Variants in PRR5L observed in about 807,000 individuals in gnomAD.
PRR5L encodes proline rich 5 like, also known as proline-rich protein 5-like.
In PRR5L, 21 loss-of-function variants were observed where a neutral mutation model predicts 36.4. The ratio of observed to expected loss-of-function variants is 0.58; its 90% confidence interval spans 0.41 to 0.83. PRR5L has a LOEUF of 0.83. Ranked by LOEUF, PRR5L falls within the 40% of genes least tolerant of loss-of-function variation. The probability of loss-of-function intolerance (pLI) is 0.00; values close to 1 mark genes in which losing one functional copy is unlikely to be tolerated. For synonymous variants in PRR5L, 188 were observed against 197.0 expected (o/e 0.95, Z 0.38); for missense variants, 381 against 473.3 (o/e 0.80, Z 1.81).
intron 1 of PRR5L, among the ~76,000 whole-genome samples, chr11:36,356,927 A>C (rs1222005236): frequency 6.6e-6 from 1 of 152,192 alleles, no homozygotes; most frequent in Non-Finnish European, 1.5e-5. Flanking sequence ...GTCAAAATCT[A>C]GAAGTGATTA....
chr11:36,376,775 C>T (rs1230937392), intron 1 of PRR5L: 7 of 944,168 alleles, frequency 7.4e-6, no homozygotes, highest in Non-Finnish European at 8.8e-6. Flanking sequence ...CAGGATTGAG[C>T]GAAAATTACC....
intron 1 of PRR5L, among the ~76,000 whole-genome samples, chr11:36,336,946 G>T (rs943811718): frequency 2.0e-5 from 3 of 152,046 alleles, no homozygotes; most frequent in Non-Finnish European, 4.4e-5. Flanking sequence ...AGCACTGTGT[G>T]GGGGCACATT....
chr11:36,378,729 CTT>C (rs1358445126), intron 1 of PRR5L, among the ~76,000 whole-genome samples: 1 of 152,156 alleles, frequency 6.6e-6, no homozygotes, highest in African/African-American at 2.4e-5. Context: ...GCAAATGCCT[CTT>C]GAGGTCTTAA....
intron 1 of PRR5L, among the ~76,000 whole-genome samples, chr11:36,368,091 T>A (rs1222858997): frequency 6.6e-6 from 1 of 151,960 alleles, no homozygotes; most frequent in African/African-American, 2.4e-5. Flanking sequence ...TGCCGTAGAT[T>A]GGAGAACAAG....
intron 1 of PRR5L, among the ~76,000 whole-genome samples, chr11:36,306,700 G>A (rs1856436126): frequency 6.6e-6 from 1 of 152,108 alleles, no homozygotes; most frequent in Non-Finnish European, 1.5e-5. Flanking sequence ...CCTCCAAGAA[G>A]CAGTGCATGA....
chr11:36,398,376 C>T (rs1857714318), intron 1 of PRR5L: 1 of 152,390 alleles, frequency 6.6e-6, no homozygotes, highest in Non-Finnish European at 1.5e-5. Context: ...CCTGCCGGGC[C>T]AGCGCTGTAG....
chr11:36,376,345 AG>A, intron 1 of PRR5L: 11 of 900,116 alleles, frequency 1.2e-5, no homozygotes, highest in Non-Finnish European at 1.5e-5. Context: ...AGGAGGAGGA[AG>A]AGGAGGAGGA....
rs1330855715 is a variant in PRR5L at position 36,374,495 on chromosome 11, G to A, written c.-125-26502G>A. Among the ~76,000 whole-genome samples the A allele has an allele frequency of 3.3e-5, 5 of 151,782 alleles. No homozygotes were observed. In the South Asian group the frequency reaches 6.3e-4, roughly 19 times the overall value. On this transcript the variant is annotated intron_variant, in intron 1 of 8. Transcript: ENST00000530639. Reference sequence around the variant, plus strand: ...ATGAGGGAGACTGGGAGGGAGGGGCGAATTACAACTTTAAATAGGTGGAAT... The same window carrying A: ...ATGAGGGAGACTGGGAGGGAGGGGCAAATTACAACTTTAAATAGGTGGAAT...
intron 1 of PRR5L, among the ~76,000 whole-genome samples, chr11:36,333,326 T>G (rs928626943): frequency 4.6e-5 from 7 of 152,152 alleles, no homozygotes; most frequent in African/African-American, 1.4e-4. Flanking sequence ...AACTGGCTGT[T>G]TCCCATATTG....
At chr11:36,454,237 C>T (rs949116800) in intron 8 of PRR5L, 2 of 152,142 alleles carry the variant, frequency 1.3e-5, no homozygotes, top group African/African-American at 4.8e-5. Flanking sequence ...AGGGGACAGC[C>T]CAGGAGGTGT....
intron 3 of PRR5L, among the ~76,000 whole-genome samples, chr11:36,417,820 G>A (rs1240331716): frequency 6.6e-6 from 1 of 152,194 alleles, no homozygotes; most frequent in Non-Finnish European, 1.5e-5. Flanking sequence ...TACTCAGCAA[G>A]CGTCGTCAGA....
At chr11:36,436,808 G>C (rs1270351009) in intron 5 of PRR5L, among the ~76,000 whole-genome samples, 1 of 152,184 alleles carries the variant, frequency 6.6e-6, no homozygotes, top group African/African-American at 2.4e-5. Context: ...CTGTAAAGCG[G>C]GGGTATTAGA....
At chr11:36,440,176 T>C (rs1180489973) in intron 6 of PRR5L, among the ~76,000 whole-genome samples, 1 of 152,106 alleles carries the variant, frequency 6.6e-6, no homozygotes, top group Non-Finnish European at 1.5e-5. Context: ...ATTCTGCATA[T>C]AGAAAAGGCC....
intron 7 of PRR5L, among the ~76,000 whole-genome samples, chr11:36,446,757 A>C (rs1009961155): frequency 1.3e-5 from 2 of 152,186 alleles, no homozygotes; most frequent in South Asian, 2.1e-4. Context: ...GTTGCAAGTC[A>C]CAGCAAAGAA....
chr11:36,371,875 A>G lies in PRR5L; in HGVS notation c.-125-29122A>G, dbSNP rs1328947387. 2.0e-5 allele frequency among the ~76,000 whole-genome samples: 3 copies of G among 152,066 alleles called. No individual in the cohort carries two copies. The East Asian group carries it at 5.8e-4, about 29-fold the overall frequency. Reference sequence around the variant, plus strand: ...ACGGTTGGAGACCAGCCTGGCCAACATGGTGAAATCCCGTCTCTACTAAAA... The same window carrying G: ...ACGGTTGGAGACCAGCCTGGCCAACGTGGTGAAATCCCGTCTCTACTAAAA... On this transcript the variant is annotated intron_variant, in intron 1 of 8. Transcript: ENST00000530639.
intron 1 of PRR5L, chr11:36,376,838 T>A (rs1590502246): frequency 1.6e-6 from 1 of 615,594 alleles, no homozygotes; most frequent in Non-Finnish European, 2.0e-6. Flanking sequence ...TAGGGAAAAG[T>A]GTCACGTTTG....
chr11:36,396,269 ACTGT>A (rs1365543539), intron 1 of PRR5L: 1 of 152,210 alleles, frequency 6.6e-6, no homozygotes, highest in South Asian at 2.1e-4. Context: ...TTTGTGACAG[ACTGT>A]CTGCTCCATC....
At chr11:36,364,701 G>A (rs899740953) in intron 1 of PRR5L, among the ~76,000 whole-genome samples, 1 of 152,158 alleles carries the variant, frequency 6.6e-6, no homozygotes, top group Non-Finnish European at 1.5e-5. Context: ...AGCAAGTGTA[G>A]CCAGGACCTC....
At chr11:36,346,701 T>A (rs1856869460) in intron 1 of PRR5L, among the ~76,000 whole-genome samples, 1 of 152,162 alleles carries the variant, frequency 6.6e-6, no homozygotes, top group Admixed American at 6.5e-5. Flanking sequence ...GGAGCATTCA[T>A]ATTATGAAAT....
Sources: allele counts gnomAD v4.1 joint callset (sites outside exome capture counted in the v4.1 genomes callset), GRCh38; gene constraint gnomAD v4.1.1; transcripts MANE v1.5; gene names NCBI Gene and HGNC (gene_info 2026-07-23, HGNC 2026-07-21).